NKAIN3: variants seen among roughly 807,000 people sequenced by gnomAD.
NKAIN3 encodes the protein sodium/potassium-transporting ATPase subunit beta-1-interacting protein 3.
NKAIN3 carries 25 observed loss-of-function variants against 30.2 expected under a neutral mutation model. That is an observed-to-expected ratio of 0.83 (90% CI 0.60 to 1.16). The LOEUF (loss-of-function observed/expected upper bound fraction) is 1.16, where lower values mean the gene tolerates loss of function less well. Among genes scored for constraint, NKAIN3 ranks in the 50% most tolerant of loss-of-function variants. The pLI, the probability that NKAIN3 is intolerant of heterozygous loss-of-function variation, is 0.00. For missense variants in NKAIN3, 225 were observed against 254.1 expected, an observed-to-expected ratio of 0.89 and a Z score of 0.78; for synonymous variants, 91 against 89.6, an observed-to-expected ratio of 1.02 and a Z score of -0.09.
chr8:62,458,334 G>T (rs971547675), intron 1 of NKAIN3, among the ~76,000 whole-genome samples: 1 of 152,126 alleles, frequency 6.6e-6, no homozygotes, highest in Non-Finnish European at 1.5e-5. Flanking sequence ...AAATAATCAC[G>T]CTAAGTATAT....
chr8:62,571,807 C>T (rs1392710809), intron 1 of NKAIN3, among the ~76,000 whole-genome samples: 2 of 152,268 alleles, frequency 1.3e-5, no homozygotes, highest in Non-Finnish European at 1.5e-5. Context: ...TATGTTGGCT[C>T]CTTACACCAT....
At chr8:62,263,985 A>G (rs1430313967) in intron 1 of NKAIN3, among the ~76,000 whole-genome samples, 1 of 152,236 alleles carries the variant, frequency 6.6e-6, no homozygotes, top group Non-Finnish European at 1.5e-5. Context: ...AAATATTGGA[A>G]TGCCTAAATA....
Position 62,971,053 on chromosome 8 carries a change from G to C in NKAIN3, c.*5646G>C, listed in dbSNP as rs1023934833. The stretch of plus-strand genomic sequence containing the variant: ...AAGAGCCGGATGTGATTTCCCTAGA[G>C]ACAAGGACCGAGACTCCTCTCATTG... On this transcript the variant is annotated 3_prime_UTR_variant, in exon 7 of 7. Coordinates refer to ENST00000623646, the MANE Select transcript of NKAIN3 (RefSeq NM_001304533.3). Among the ~76,000 whole-genome samples the C allele has an allele frequency of 2.9e-5, 3 of 105,012 alleles. No homozygotes were observed. Among genetic ancestry groups the C allele is most frequent in the Admixed American group, 2.2e-4 (2 of 9,038 alleles). The allele number at this position is 105,012 out of a possible 152,430, so 68.9% of individuals were successfully genotyped here.
rs1811982675 is a variant in NKAIN3, at chr8:62,632,120, G to A, written c.273+42326G>A. On this transcript the variant is annotated intron_variant, in intron 3 of 6. Coordinates refer to ENST00000623646, the MANE Select transcript of NKAIN3 (RefSeq NM_001304533.3). Reference sequence around the variant, plus strand: ...CTTCCCTTCATGTGGTGGCCTCTCAGTGGCTATCTCCATTTCTCAGATATG... The same window carrying A: ...CTTCCCTTCATGTGGTGGCCTCTCAATGGCTATCTCCATTTCTCAGATATG... Among the ~76,000 whole-genome samples, 5 of 152,260 alleles carry A rather than the reference G, an allele frequency of 3.3e-5. No individual in the cohort carries two copies. In the South Asian group the frequency reaches 1.0e-3, roughly 32 times the overall value.
At chr8:62,906,470 T>A (rs936142338) in intron 4 of NKAIN3, among the ~76,000 whole-genome samples, 3 of 152,168 alleles carry the variant, frequency 2.0e-5, no homozygotes, top group African/African-American at 7.2e-5. Context: ...AACTTGAGGA[T>A]AAAATAACTA....
chr8:62,283,856 T>G (rs1274040398), intron 1 of NKAIN3, among the ~76,000 whole-genome samples: 1 of 152,066 alleles, frequency 6.6e-6, no homozygotes, highest in Non-Finnish European at 1.5e-5. Flanking sequence ...TTTCAAAAAA[T>G]TTACAGTAAA....
At position 62,968,398 on chromosome 8, in the gene NKAIN3, G is replaced by A. The variant is rs75838112; in HGVS notation, c.*2991G>A. Among the ~76,000 whole-genome samples the A allele has an allele frequency of 0.023, 3,491 of 152,294 alleles. 55 individuals carry two copies. The highest frequency in any genetic ancestry group is 0.032 in the South Asian group (154 of 4,816). On this transcript the variant is annotated 3_prime_UTR_variant, in exon 7 of 7. Coordinates refer to ENST00000623646, the MANE Select transcript of NKAIN3 (RefSeq NM_001304533.3). ...CTCTGCATTGTGCGTATCCAGTAGG[G>A]TTTTCAGCAAAGACATGGTCACTAC...
intron 1 of NKAIN3, among the ~76,000 whole-genome samples, chr8:62,557,097 G>C (rs1436654939): frequency 1.3e-5 from 2 of 151,992 alleles, no homozygotes; most frequent in Non-Finnish European, 2.9e-5. Context: ...AGTCCACTGT[G>C]TCATTGTTAT....
intron 4 of NKAIN3, among the ~76,000 whole-genome samples, chr8:62,850,980 C>T (rs1247618107): frequency 1.3e-5 from 2 of 151,856 alleles, no homozygotes; most frequent in Non-Finnish European, 2.9e-5. Flanking sequence ...TAGTTTTTTC[C>T]AATTCTGTGA....
chr8:62,704,086 C>T (rs909335249), intron 3 of NKAIN3, among the ~76,000 whole-genome samples: 9 of 152,092 alleles, frequency 5.9e-5, no homozygotes, highest in African/African-American at 2.2e-4. Flanking sequence ...TTTTATTGCT[C>T]ATTCAGTTCC....
intron 1 of NKAIN3, among the ~76,000 whole-genome samples, chr8:62,290,239 T>C (rs1429628568): frequency 1.3e-5 from 2 of 152,216 alleles, no homozygotes; most frequent in Admixed American, 6.5e-5. Flanking sequence ...TTTATTTCTT[T>C]CTCTTGCCTG....
At chr8:62,600,303 A>C (rs1810950966) in intron 3 of NKAIN3, among the ~76,000 whole-genome samples, 2 of 152,060 alleles carry the variant, frequency 1.3e-5, no homozygotes, top group African/African-American at 4.8e-5. Context: ...ACATTCTACA[A>C]GGACTTATTT....
intron 1 of NKAIN3, among the ~76,000 whole-genome samples, chr8:62,476,681 T>C (rs1806530102): frequency 6.6e-6 from 1 of 152,114 alleles, no homozygotes; most frequent in Non-Finnish European, 1.5e-5. Flanking sequence ...GGTCTCGATG[T>C]CCTGACCTCG....
chr8:62,650,482 C>A (rs572400924), intron 3 of NKAIN3, among the ~76,000 whole-genome samples: 2 of 152,250 alleles, frequency 1.3e-5, no homozygotes, highest in Non-Finnish European at 2.9e-5. Context: ...TTTCTAAGGA[C>A]ACATTGTCTG....
intron 1 of NKAIN3, among the ~76,000 whole-genome samples, chr8:62,362,323 G>A (rs1432274927): frequency 5.8e-5 from 3 of 51,462 alleles, no homozygotes; most frequent in Admixed American, 2.7e-4. Flanking sequence ...CAGGCATTTT[G>A]AAAGCTGGGC....
chr8:62,671,700 C>T (rs1813310965), intron 3 of NKAIN3, among the ~76,000 whole-genome samples: 1 of 152,014 alleles, frequency 6.6e-6, no homozygotes, highest in South Asian at 2.1e-4. Flanking sequence ...AGGCTTCAGG[C>T]ATAGTTTGAT....
chr8:62,814,545 T>A (rs982042528), intron 4 of NKAIN3, among the ~76,000 whole-genome samples: 3 of 151,970 alleles, frequency 2.0e-5, no homozygotes, highest in South Asian at 2.1e-4. Context: ...CAGACCACAG[T>A]GCAATCAAAC....
At chr8:62,573,437 T>G (rs1810009531) in intron 1 of NKAIN3, among the ~76,000 whole-genome samples, 1 of 152,166 alleles carries the variant, frequency 6.6e-6, no homozygotes, top group African/African-American at 2.4e-5. Flanking sequence ...TGCCTCATTT[T>G]AATTTTTTGG....
intron 3 of NKAIN3, among the ~76,000 whole-genome samples, chr8:62,638,995 T>G (rs9969432): frequency 0.048 from 7,375 of 152,242 alleles, 311 homozygotes; most frequent in African/African-American, 0.11. Flanking sequence ...AAGAAATTTG[T>G]AACTTTCTCT....
Sources: allele counts gnomAD v4.1 joint callset (sites outside exome capture counted in the v4.1 genomes callset), GRCh38; gene constraint gnomAD v4.1.1; transcripts MANE v1.5; gene names NCBI Gene and HGNC (gene_info 2026-07-23, HGNC 2026-07-21).